LRP1B: variants seen among roughly 807,000 people sequenced by gnomAD.
The protein encoded by LRP1B is LDL receptor related protein 1B, also known as low-density lipoprotein receptor-related protein 1B.
A neutral mutation model predicts 556.6 loss-of-function variants in LRP1B; 217 were observed. The observed-to-expected ratio is 0.39, with a 90% CI of 0.35 to 0.44. The LOEUF is 0.44. Among genes scored for constraint, LRP1B ranks in the 20% least tolerant of loss-of-function variants. The pLI, the probability that LRP1B is intolerant of heterozygous loss-of-function variation, is 1.00. For missense variants in LRP1B, 5,053 were observed against 5,620.8 expected (o/e 0.90, Z 3.23); for synonymous variants, 2,047 against 1,865.8 (o/e 1.10, Z -2.50).
intron 43 of LRP1B, among the ~76,000 whole-genome samples, chr2:140,583,051 T>G (rs947267844): frequency 6.6e-6 from 1 of 152,080 alleles, no homozygotes; most frequent in African/African-American, 2.4e-5. Context: ...AACTACAGAT[T>G]GTACACATTT....
intron 2 of LRP1B, among the ~76,000 whole-genome samples, chr2:141,630,836 C>A (rs929833303): frequency 6.6e-6 from 1 of 152,112 alleles, no homozygotes; most frequent in Non-Finnish European, 1.5e-5. Flanking sequence ...TTGCATTATC[C>A]TTTTGGGATG....
chr2:141,450,195 T>C, intron 3 of LRP1B, among the ~76,000 whole-genome samples: 1 of 152,184 alleles, frequency 6.6e-6, no homozygotes, highest in Non-Finnish European at 1.5e-5. Context: ...TTGCACACTT[T>C]CTATCTACTG....
intron 3 of LRP1B, among the ~76,000 whole-genome samples, chr2:141,331,001 G>A (rs1234035388): frequency 1.3e-5 from 2 of 151,902 alleles, no homozygotes; most frequent in African/African-American, 4.8e-5. Context: ...CTCGTGATCC[G>A]TCCGCCTCGG....
chr2:140,300,012 G>C (rs566993145), intron 83 of LRP1B, among the ~76,000 whole-genome samples: 4 of 151,926 alleles, frequency 2.6e-5, no homozygotes, highest in African/African-American at 9.6e-5. Flanking sequence ...AGAAACAAAC[G>C]GTACCTGCTG....
intron 2 of LRP1B, among the ~76,000 whole-genome samples, chr2:141,693,913 G>T (rs1001741748): frequency 2.0e-5 from 3 of 151,958 alleles, no homozygotes; most frequent in African/African-American, 7.2e-5. Flanking sequence ...AGTCTGGGGA[G>T]GAAATAGAAG....
chr2:140,894,671 G>A (rs868649556), intron 23 of LRP1B, among the ~76,000 whole-genome samples: 27 of 151,984 alleles, frequency 1.8e-4, no homozygotes, highest in African/African-American at 5.1e-4. Context: ...ATGATAGGCC[G>A]GGCACGGACG....
intron 2 of LRP1B, among the ~76,000 whole-genome samples, chr2:141,791,013 A>T (rs1695591297): frequency 6.6e-6 from 1 of 152,034 alleles, no homozygotes; most frequent in East Asian, 1.9e-4. Context: ...CCATCTTTTT[A>T]AATGGTATAA....
intron 3 of LRP1B, among the ~76,000 whole-genome samples, chr2:141,339,246 G>C (rs190974245): frequency 1.3e-5 from 2 of 150,932 alleles, no homozygotes; most frequent in East Asian, 3.9e-4. Context: ...AGTGATTCAA[G>C]GGCAGGAATC....
chr2:141,670,832 T>C (rs1690639246), intron 2 of LRP1B, among the ~76,000 whole-genome samples: 1 of 152,206 alleles, frequency 6.6e-6, no homozygotes, highest in South Asian at 2.1e-4. Context: ...TGTCACAGAT[T>C]TACAAATTTG....
At chr2:141,563,587 G>A (rs1266571010) in intron 2 of LRP1B, among the ~76,000 whole-genome samples, 1 of 151,980 alleles carries the variant, frequency 6.6e-6, no homozygotes, top group Non-Finnish European at 1.5e-5. Context: ...AGAAGTTTGA[G>A]AGAAGTTGTA....
chr2:141,791,500 T>C lies in LRP1B; in HGVS notation c.205+18779A>G, dbSNP rs562994121. On this transcript the variant is annotated intron_variant, in intron 2 of 90. Transcript: ENST00000389484. Reference sequence around the variant, plus strand: ...TTCAAATTAAATATATCTTTTAACATTTTTGCTGGATTGTTAACTTATTAA... The same window carrying C: ...TTCAAATTAAATATATCTTTTAACACTTTTGCTGGATTGTTAACTTATTAA... Among the ~76,000 whole-genome samples the C allele has an allele frequency of 9.9e-5, 15 of 152,174 alleles. No individual in the cohort carries two copies. In the South Asian group the frequency reaches 2.7e-3, roughly 27 times the overall value.
At chr2:140,410,642 G>A (rs561807822) in intron 66 of LRP1B, among the ~76,000 whole-genome samples, 1 of 152,154 alleles carries the variant, frequency 6.6e-6, no homozygotes, top group South Asian at 2.1e-4. Context: ...TTAAACACAT[G>A]CAGAAAGCAA....
chr2:140,966,132 C>T lies in LRP1B; in HGVS notation c.2888-14192G>A, dbSNP rs570031979. On this transcript the variant is annotated intron_variant, in intron 18 of 90. Transcript: ENST00000389484. ...CTAGATCCTTGAGGAATCACCACACCGTCTTCTACAATGGTTGAACTAGTT... is the reference window on the plus strand; with the variant it reads ...CTAGATCCTTGAGGAATCACCACACTGTCTTCTACAATGGTTGAACTAGTT... Among the ~76,000 whole-genome samples, 26 of 152,256 alleles carry T rather than the reference C, an allele frequency of 1.7e-4. No individual in the cohort carries two copies. In the East Asian group the frequency reaches 2.5e-3, roughly 15 times the overall value.
At chr2:140,500,202 A>G (rs1008942578) in intron 55 of LRP1B, among the ~76,000 whole-genome samples, 2 of 151,964 alleles carry the variant, frequency 1.3e-5, no homozygotes, top group African/African-American at 2.4e-5. Context: ...ACTTTTAAAA[A>G]TATATATTTC....
At chr2:141,023,732 T>C (rs1471372594) in intron 11 of LRP1B, among the ~76,000 whole-genome samples, 1 of 151,986 alleles carries the variant, frequency 6.6e-6, no homozygotes, top group East Asian at 1.9e-4. Flanking sequence ...CCTCCAGAAA[T>C]GATCCATAGA....
chr2:141,184,367 G>C (rs1469294716), intron 7 of LRP1B, among the ~76,000 whole-genome samples: 1 of 151,744 alleles, frequency 6.6e-6, no homozygotes, highest in Non-Finnish European at 1.5e-5. Context: ...CCCTGATGCA[G>C]GCCATCAAAA....
At chr2:141,114,590 C>T (rs950569346) in intron 7 of LRP1B, among the ~76,000 whole-genome samples, 5 of 152,012 alleles carry the variant, frequency 3.3e-5, no homozygotes, top group Non-Finnish European at 5.9e-5. Flanking sequence ...GCCGATCTGC[C>T]AGTGGAAGTT....
intron 7 of LRP1B, among the ~76,000 whole-genome samples, chr2:141,114,158 C>G (rs1342139160): frequency 1.3e-5 from 2 of 152,234 alleles, no homozygotes; most frequent in Non-Finnish European, 2.9e-5. Flanking sequence ...AGGGGGCACA[C>G]AGGCAGGCAG....
intron 2 of LRP1B, among the ~76,000 whole-genome samples, chr2:141,500,741 T>C (rs1663454823): frequency 6.6e-6 from 1 of 152,140 alleles, no homozygotes; most frequent in Non-Finnish European, 1.5e-5. Flanking sequence ...TAACACTTGC[T>C]GAGAACTAGG....
Sources: allele counts gnomAD v4.1 joint callset (sites outside exome capture counted in the v4.1 genomes callset), GRCh38; gene constraint gnomAD v4.1.1; transcripts MANE v1.5; gene names NCBI Gene and HGNC (gene_info 2026-07-23, HGNC 2026-07-21).